The following STX17 variants were observed in gnomAD, a reference collection of about 807,000 sequenced individuals.
STX17 encodes syntaxin 17.
A neutral mutation model predicts 35.9 loss-of-function variants in STX17; 29 were observed. The observed-to-expected ratio is 0.81, with a 90% CI of 0.60 to 1.10. STX17 has a LOEUF of 1.10. STX17 is among the 50% of genes least tolerant of loss of function. STX17 has a pLI of 0.00. For synonymous variants in STX17, 92 were observed against 118.3 expected, an observed-to-expected ratio of 0.78 and a Z score of 1.44; for missense variants, 312 against 352.3, an observed-to-expected ratio of 0.89 and a Z score of 0.92.
chr9:99,915,615 C>T (rs1828753613), intron 2 of STX17, among the ~76,000 whole-genome samples: 1 of 152,098 alleles, frequency 6.6e-6, no homozygotes, highest in Non-Finnish European at 1.5e-5. Context: ...GTTTGAGAGA[C>T]AAGGTCTTGC....
rs1383308328 is a variant in STX17, at chr9:99,951,085, T to C, written c.215T>C (p.Ile72Thr). The C allele has an allele frequency of 1.9e-6, 3 of 1,609,948 alleles. No homozygotes were observed. The highest frequency in any genetic ancestry group is 1.3e-5 in the African/African-American group (1 of 74,752). Residue 72 changes from isoleucine to threonine, a missense_variant, in exon 4 of 8, where the codon ATT becomes ACT. Transcript: ENST00000259400. ...VQQLRSNIRE[I>T]EKLCLKVRKD... Reference sequence around the variant, plus strand: ...CAACTCCGATCCAATATCCGAGAAATTGAGAAACTTTGTTTGAAAGTCCGA... The same window carrying C: ...CAACTCCGATCCAATATCCGAGAAACTGAGAAACTTTGTTTGAAAGTCCGA...
chr9:99,964,035 T>A (rs1475276901), intron 6 of STX17, among the ~76,000 whole-genome samples: 1 of 150,688 alleles, frequency 6.6e-6, no homozygotes, highest in Non-Finnish European at 1.5e-5. Flanking sequence ...ATTACCCTCT[T>A]AAATAAACTC....
intron 1 of STX17, among the ~76,000 whole-genome samples, chr9:99,914,551 C>G (rs1828728545): frequency 6.6e-6 from 1 of 152,138 alleles, no homozygotes. Context: ...CTTATTCCAG[C>G]TCTGTCACTG....
intron 3 of STX17, among the ~76,000 whole-genome samples, chr9:99,935,767 A>G (rs1397641106): frequency 6.6e-6 from 1 of 152,212 alleles, no homozygotes; most frequent in Non-Finnish European, 1.5e-5. Context: ...AAGGCTTCTG[A>G]TGACATTTGA....
rs950405904 is a variant in STX17, at chr9:99,928,336, G to A, written c.124-442G>A. Among the ~76,000 whole-genome samples, 6 of 151,244 alleles carry A rather than the reference G, an allele frequency of 4.0e-5. No homozygotes were observed. In the East Asian group the frequency reaches 1.2e-3, roughly 29 times the overall value. ...ATTTACTCTCTAGTCTGTGGTTTCA[G>A]TGTTATTTTTTTTAAATTCAGATTT... On this transcript the variant is annotated intron_variant, in intron 2 of 7. Coordinates refer to ENST00000259400, the MANE Select transcript of STX17 (RefSeq NM_017919.3).
At position 99,935,887 on chromosome 9, in the gene STX17, C is replaced by G. The variant is rs142971295; in HGVS notation, c.189+7044C>G. 2.9e-3 allele frequency among the ~76,000 whole-genome samples: 438 copies of G among 152,120 alleles called. 2 individuals carry two copies. The highest frequency in any genetic ancestry group is 4.1e-3 in the Non-Finnish European group (281 of 67,996). On this transcript the variant is annotated intron_variant, in intron 3 of 7. Coordinates refer to ENST00000259400, the MANE Select transcript of STX17 (RefSeq NM_017919.3). ...GGCATAGTCAAGAAATAGTAAGGAACAGTAAGGAGGTCAGTGTGGCTAGTG... is the reference window on the plus strand; with the variant it reads ...GGCATAGTCAAGAAATAGTAAGGAAGAGTAAGGAGGTCAGTGTGGCTAGTG...
In STX17 at chr9:99,974,314, C is replaced by T. The variant is rs903305377; in HGVS notation, c.*5641C>T. Among the ~76,000 whole-genome samples the T allele has an allele frequency of 6.6e-6, 1 of 152,136 alleles. No homozygotes were observed. The highest frequency in any genetic ancestry group is 2.4e-5 in the African/African-American group (1 of 41,418). On this transcript the variant is annotated 3_prime_UTR_variant, in exon 8 of 8. Coordinates refer to ENST00000259400, the MANE Select transcript of STX17 (RefSeq NM_017919.3). ...GATTTTCTTGTATTAAGGTTAATCA[C>T]TAAAAAGGTGTTTACTTGGGTTTCG...
In STX17 at chr9:99,953,341, T is replaced by G. The variant is rs1829643561; in HGVS notation, c.415+2056T>G. ...AAACATAAATACATAAATATCTTTT[T>G]AGAGACAATTTTGTAATTTCACATG... On this transcript the variant is annotated intron_variant, in intron 4 of 7. Transcript: ENST00000259400. 2.0e-5 allele frequency among the ~76,000 whole-genome samples: 3 copies of G among 152,110 alleles called. No homozygotes were observed. The South Asian group carries it at 6.2e-4, about 31-fold the overall frequency.
At chr9:99,959,456 C>CTTTTT (rs35078503) in intron 4 of STX17, among the ~76,000 whole-genome samples, 1 of 111,094 alleles carries the variant, frequency 9.0e-6, no homozygotes, top group Non-Finnish European at 1.7e-5. Context: ...ATGGATAAAT[C>CTTTTT]TTTTTTTTTT....
chr9:99,939,224 C>T (rs1587926270), intron 3 of STX17, among the ~76,000 whole-genome samples: 1 of 151,958 alleles, frequency 6.6e-6, no homozygotes, highest in East Asian at 1.9e-4. Context: ...AGAAAAGAAA[C>T]GATTAAGGAG....
chr9:99,967,462 A>G, intron 6 of STX17, 191 bp from the exon 7 acceptor site: 1 of 365,336 alleles, frequency 2.7e-6, no homozygotes, highest in Non-Finnish European at 4.8e-6. Flanking sequence ...CTAATAATTA[A>G]GACCCCCCCC....
chr9:99,961,834 C>T (rs535112083), intron 6 of STX17, among the ~76,000 whole-genome samples: 78 of 152,184 alleles, frequency 5.1e-4, no homozygotes, highest in Admixed American at 8.5e-4. Context: ...AATAAATGGT[C>T]TTTTAGCCTC....
At chr9:99,909,663 G>A (rs1026451441) in intron 1 of STX17, among the ~76,000 whole-genome samples, 10 of 152,114 alleles carry the variant, frequency 6.6e-5, no homozygotes, top group African/African-American at 2.4e-4. Flanking sequence ...AAGAAGAAAT[G>A]CAATGAGTAC....
rs552223812 is a variant in STX17 at position 99,943,834 on chromosome 9, G to A, written c.190-7226G>A. ...GTTGTGCTATCATAAAGAGTTAGAGGATGGTCTTTTTCTGTGCCTTTGAAG... is the reference window on the plus strand; with the variant it reads ...GTTGTGCTATCATAAAGAGTTAGAGAATGGTCTTTTTCTGTGCCTTTGAAG... On this transcript the variant is annotated intron_variant, in intron 3 of 7. Coordinates refer to ENST00000259400, the MANE Select transcript of STX17 (RefSeq NM_017919.3). Among the ~76,000 whole-genome samples, 5 of 152,244 alleles carry A rather than the reference G, an allele frequency of 3.3e-5. No homozygotes were observed. In the East Asian group the frequency reaches 9.6e-4, roughly 29 times the overall value.
chr9:99,909,834 C>T (rs1006514290), intron 1 of STX17, among the ~76,000 whole-genome samples: 2 of 152,122 alleles, frequency 1.3e-5, no homozygotes, highest in Non-Finnish European at 2.9e-5. Flanking sequence ...CTCATTTACC[C>T]TAATGTGATT....
At chr9:99,942,740 T>G (rs1274646844) in intron 3 of STX17, among the ~76,000 whole-genome samples, 1 of 152,210 alleles carries the variant, frequency 6.6e-6, no homozygotes, top group African/African-American at 2.4e-5. Flanking sequence ...CAGCTTTATT[T>G]TTTTTTCATA....
At chr9:99,953,590 T>A (rs1410616375) in intron 4 of STX17, among the ~76,000 whole-genome samples, 1 of 152,104 alleles carries the variant, frequency 6.6e-6, no homozygotes, top group Non-Finnish European at 1.5e-5. Flanking sequence ...TATGTGCACA[T>A]GTGGAGTAAC....
chr9:99,913,536 G>C (rs2118298629), intron 1 of STX17, among the ~76,000 whole-genome samples: 1 of 152,082 alleles, frequency 6.6e-6, no homozygotes, highest in South Asian at 2.1e-4. Flanking sequence ...TTTTTTAAAA[G>C]ATTCTGTTCC....
intron 6 of STX17, among the ~76,000 whole-genome samples, chr9:99,961,976 GC>G (rs1412742320): frequency 1.3e-5 from 2 of 152,170 alleles, no homozygotes; most frequent in East Asian, 3.9e-4. Context: ...GGCCTCTAAA[GC>G]TACGTACTGA....
Sources: gnomAD v4.1 joint callset for allele counts (sites outside exome capture counted in the v4.1 genomes callset) on GRCh38, gnomAD v4.1.1 for gene constraint, MANE v1.5 for transcripts, NCBI Gene and HGNC (gene_info 2026-07-23, HGNC 2026-07-21) for gene names.